Variants in TLE7 observed in about 807,000 individuals in gnomAD.
The protein encoded by TLE7 is transducin-like enhancer protein 7.
chr16:71,437,834 C>A (rs893505087), intron 1 of TLE7, among the ~76,000 whole-genome samples: 3 of 152,168 alleles, frequency 2.0e-5, no homozygotes, highest in Non-Finnish European at 4.4e-5. Context: ...CTTTTACCAC[C>A]CCTGACCTCC....
At chr16:71,439,013 C>A (rs1305649607) in intron 1 of TLE7, among the ~76,000 whole-genome samples, 3 of 152,238 alleles carry the variant, frequency 2.0e-5, no homozygotes, top group African/African-American at 4.8e-5. Flanking sequence ...GCCCCTTCCC[C>A]ACCACCTTTC....
chr16:71,430,617 G>A (rs1269199577), intron 9 of TLE7, 51 bp downstream of exon 9: 3 of 398,238 alleles, frequency 7.5e-6, no homozygotes, highest in African/African-American at 6.2e-5. Flanking sequence ...CTGGGACCTG[G>A]AGCTACAAGC....
Position 71,431,345 on chromosome 16 carries a change from G to GCTCA in TLE7, c.993+72_994-72dup. The GCTCA allele has an allele frequency of 2.5e-6, 1 of 399,394 alleles. No homozygotes were observed. The highest frequency in any genetic ancestry group is 3.6e-5 in the East Asian group (1 of 28,082). The allele number at this position is 399,394 out of a possible 1,614,324, so 24.7% of individuals were successfully genotyped here. A position where few individuals can be genotyped will look rare whatever the true frequency, so the allele number is the denominator to read the frequency against. ...GCCATCCTTTGTGCCCACCTCTCAA[G>GCTCA]CTCACACTCCCACCCCTGCCTCCAT... On this transcript the variant is annotated intron_variant, in intron 7 of 9. Coordinates refer to ENST00000561754, the MANE Select transcript of TLE7 (RefSeq NM_001367365.2). This position sits in a 1 kb window ranked among gnomAD's most constrained non-coding sequence, Gnocchi z 4.5.
At chr16:71,433,912 C>T (rs1239273734) in intron 1 of TLE7, among the ~76,000 whole-genome samples, 1 of 152,148 alleles carries the variant, frequency 6.6e-6, no homozygotes, top group Non-Finnish European at 1.5e-5. Context: ...GAGGTGAGAT[C>T]GTGCCACTGC....
In TLE7 at chr16:71,431,494, C is replaced by T. The variant is rs2042803370; in HGVS notation, c.920G>A (p.Gly307Asp). ...CCAGGAATACAGGATGGTGTCTTCA[C>T]CTCCTGTCCAGAATATATTGCCGGT... ...DITGNIFWTG[G>D]EDTILYSWDL... is the part of the protein sequence containing the mutation. The change falls in exon 7 of 10, where the codon GGT becomes GAT. Residue 307 changes from glycine (G) to aspartate (D), a missense_variant. By Grantham distance (94) the Gly-to-Asp change is moderately conservative. Coordinates refer to ENST00000561754, the MANE Select transcript of TLE7 (RefSeq NM_001367365.2). The surrounding 1 kb of genome is among the most constrained non-coding windows in gnomAD (Gnocchi z 4.5). The T allele has an allele frequency of 2.5e-6, 1 of 400,794 alleles. No homozygotes were observed. The allele number at this position is 400,794 out of a possible 1,614,324, so 24.8% of individuals were successfully genotyped here.
intron 2 of TLE7, 22 bp from the exon 3 acceptor site, chr16:71,432,914 A>G (rs75357168): frequency 0.28 from 111,312 of 398,780 alleles, 17,276 homozygotes; most frequent in South Asian, 0.52. Flanking sequence ...GGAGAGAGGG[A>G]GGGAGGAGAC....
intron 1 of TLE7, among the ~76,000 whole-genome samples, chr16:71,439,886 A>C (rs1191392234): frequency 6.6e-6 from 1 of 152,202 alleles, no homozygotes; most frequent in African/African-American, 2.4e-5. Context: ...GAAAACAGGG[A>C]CTTAAACATT....
intron 2 of TLE7, 54 bp from the exon 3 acceptor site, chr16:71,432,946 C>T (rs1794859791): frequency 7.5e-6 from 3 of 399,316 alleles, no homozygotes; most frequent in Non-Finnish European, 4.4e-6. Context: ...CACAGAGCTT[C>T]CTGCTGGGAT....
At chr16:71,440,278 ATGGTTG>A (rs2145047999) in intron 1 of TLE7, among the ~76,000 whole-genome samples, 1 of 152,330 alleles carries the variant, frequency 6.6e-6, no homozygotes, top group South Asian at 2.1e-4. Flanking sequence ...GAGGGTGGTG[ATGGTTG>A]TGCAACATTG....
Position 71,431,168 on chromosome 16 carries a change from A to G in TLE7, c.1100T>C (p.Leu367Pro). Residue 367 changes from leucine (L) to proline (P), a missense_variant, in exon 8 of 10, where the codon CTC becomes CCC. Leu to Pro is a moderately conservative substitution (Grantham distance 98). Coordinates refer to ENST00000561754, the MANE Select transcript of TLE7 (RefSeq NM_001367365.2). The surrounding 1 kb of genome is among the most constrained non-coding windows in gnomAD (Gnocchi z 4.5). ...GTGGTGGCGGGTGTATTTTTTCATG[A>G]GAGCCTTAAACTGCTCATTCCGACG... ...HTRRNEQFKALMKKYTRHHSL... is the reference protein window; with the variant it reads ...HTRRNEQFKAPMKKYTRHHSL... 2.5e-6 allele frequency: 1 copy of G among 400,700 alleles called. No individual in the cohort carries two copies. The highest frequency in any genetic ancestry group is 4.4e-5 in the Admixed American group (1 of 22,726). The allele number at this position is 400,700 out of a possible 1,614,324, so 24.8% of individuals were successfully genotyped here. A position where few individuals can be genotyped will look rare whatever the true frequency, so the allele number is the denominator to read the frequency against.
intron 1 of TLE7, among the ~76,000 whole-genome samples, chr16:71,435,743 T>C (rs1041003024): frequency 6.6e-6 from 1 of 152,190 alleles, no homozygotes; most frequent in African/African-American, 2.4e-5. Context: ...CTTTCTCATC[T>C]CACCCCAAAT....
At chr16:71,440,449 G>C (rs1397299194) in intron 1 of TLE7, among the ~76,000 whole-genome samples, 2 of 152,008 alleles carry the variant, frequency 1.3e-5, no homozygotes, top group Non-Finnish European at 2.9e-5. Flanking sequence ...CTGCACTCCA[G>C]CCTGGGCAAC....
In TLE7 at chr16:71,442,013, G is replaced by A. The variant is rs953533360; in HGVS notation, c.-141C>T. The A allele has an allele frequency of 6.6e-6, 1 of 152,376 alleles. No individual in the cohort carries two copies. The highest frequency in any genetic ancestry group is 1.5e-5 in the Non-Finnish European group (1 of 68,180). The allele number at this position is 152,376 out of a possible 1,614,324, so 9.4% of individuals were successfully genotyped here. ...TCCCTCGGGGCAACCAGAGGACGGA[G>A]GCTTGGTGCCGCAGGGCAGTCGGGA... On this transcript the variant is annotated 5_prime_UTR_variant, in exon 1 of 10. Coordinates refer to ENST00000561754, the MANE Select transcript of TLE7 (RefSeq NM_001367365.2).
At position 71,432,896 on chromosome 16, in the gene TLE7, C is replaced by T. The variant is rs1484967814; in HGVS notation, c.312-4G>A. ...AACCTCAGAACCCAGTAGGAAGCTA[C>T]AACACATGGAGAGAGGGAGGGAGGA... On this transcript the variant is annotated splice_polypyrimidine_tract_variant and splice_region_variant and intron_variant, in intron 2 of 9. Coordinates refer to ENST00000561754, the MANE Select transcript of TLE7 (RefSeq NM_001367365.2). 2.5e-6 allele frequency: 1 copy of T among 398,800 alleles called. No homozygotes were observed. Among genetic ancestry groups the T allele is most frequent in the Non-Finnish European group, 4.4e-6 (1 of 226,318 alleles). 24.7% of individuals were successfully genotyped at this position (398,800 alleles called of 1,614,324 possible).
Position 71,432,015 on chromosome 16 carries a change from GT to G in TLE7, c.610-14del, listed in dbSNP as rs1286345082. The G allele has an allele frequency of 2.5e-6, 1 of 400,750 alleles. No homozygotes were observed. Among genetic ancestry groups the G allele is most frequent in the Non-Finnish European group, 4.4e-6 (1 of 226,318 alleles). 24.8% of individuals were successfully genotyped at this position (400,750 alleles called of 1,614,324 possible). ...GGTCCTGGGGATGCTGTAAGGAAGG[GT>G]TCACACACTGGTATCCCCTTGGGGC... On this transcript the variant is annotated splice_polypyrimidine_tract_variant and intron_variant, in intron 5 of 9. Coordinates refer to ENST00000561754, the MANE Select transcript of TLE7 (RefSeq NM_001367365.2).
chr16:71,430,972 A>G (rs774535701), intron 8 of TLE7, 149 bp downstream of exon 8: 53 of 398,986 alleles, frequency 1.3e-4, no homozygotes, highest in Non-Finnish European at 2.1e-4. Flanking sequence ...ACGCCTCTTC[A>G]GTCTGCCTGA....
At chr16:71,438,637 G>A (rs1379524187) in intron 1 of TLE7, among the ~76,000 whole-genome samples, 5 of 130,458 alleles carry the variant, frequency 3.8e-5, no homozygotes, top group Non-Finnish European at 6.1e-5. Flanking sequence ...AGCCAAGATC[G>A]CACCACTGCA....
At chr16:71,432,051 G>A in intron 5 of TLE7, 49 bp from the exon 6 acceptor site, 1 of 400,904 alleles carries the variant, frequency 2.5e-6, no homozygotes, top group Non-Finnish European at 4.4e-6. Context: ...CACCGAACCT[G>A]GGTCTCACGT....
rs528610714 is a variant in TLE7 at position 71,438,203 on chromosome 16, C to T, written c.-97+3766G>A. ...ATCCCAGCACTTTGGGAGGCCGAGG[C>T]GGGTGGATCACCTGAGGTCACGAGT... On this transcript the variant is annotated intron_variant, in intron 1 of 9. Transcript: ENST00000561754. Among the ~76,000 whole-genome samples, 14 of 152,094 alleles carry T rather than the reference C, an allele frequency of 9.2e-5. No individual in the cohort carries two copies. The East Asian group carries it at 2.3e-3, about 25-fold the overall frequency.
Sources: gnomAD v4.1 joint callset for allele counts (sites outside exome capture counted in the v4.1 genomes callset) on GRCh38, gnomAD v4.1.1 for gene constraint, Gnocchi (gnomAD v3.1) non-coding constraint, MANE v1.5 for transcripts, NCBI Gene and HGNC (gene_info 2026-07-23, HGNC 2026-07-21) for gene names.